Variants in MAL2 observed in about 807,000 individuals in gnomAD.
MAL2 encodes mal, T cell differentiation protein 2.
Under a neutral mutation model 18.1 loss-of-function variants are expected in MAL2, and 17 were observed. That is an observed-to-expected ratio of 0.94 (90% confidence interval 0.64 to 1.41). The LOEUF (loss-of-function observed/expected upper bound fraction) is 1.41, where lower values mean the gene tolerates loss of function less well. MAL2 is among the 40% of genes most tolerant of loss of function. The pLI is 0.00. For missense variants in MAL2, 222 were observed against 231.9 expected (o/e 0.96, Z 0.28); for synonymous variants, 102 against 102.3 (o/e 1.00, Z 0.02).
In MAL2 at chr8:119,243,545, G is replaced by A; in HGVS notation, c.*57G>A. 1 of 1,418,876 alleles carries A rather than the reference G, an allele frequency of 7.0e-7. No individual in the cohort carries two copies. Among genetic ancestry groups the A allele is most frequent in the South Asian group, 1.4e-5 (1 of 72,030 alleles). The allele number at this position is 1,418,876 out of a possible 1,614,324, so 87.9% of individuals were successfully genotyped here. A position where few individuals can be genotyped will look rare whatever the true frequency, so the allele number is the denominator to read the frequency against. On this transcript the variant is annotated 3_prime_UTR_variant, in exon 4 of 4. Coordinates refer to ENST00000614891, the MANE Select transcript of MAL2 (RefSeq NM_052886.3). ...TTTCACTTGTCTACTTTATATGTCT[G>A]ATCAATTTGGATACCATTTTGTCCA...
In MAL2 at chr8:119,212,308, G is replaced by A. The variant is rs796243674; in HGVS notation, c.132+3704G>A. Among the ~76,000 whole-genome samples, 4 of 152,298 alleles carry A rather than the reference G, an allele frequency of 2.6e-5. No homozygotes were observed. The East Asian group carries it at 5.8e-4, about 22-fold the overall frequency. On this transcript the variant is annotated intron_variant, in intron 1 of 3. Transcript: ENST00000614891. The stretch of plus-strand genomic sequence containing the variant: ...CATTGTGTTTTATTTTGCAGTTTTA[G>A]TGTTTAAGAAACTACTTATATTCCC...
intron 1 of MAL2, among the ~76,000 whole-genome samples, chr8:119,211,974 C>G (rs1226428612): frequency 6.6e-6 from 1 of 152,192 alleles, no homozygotes; most frequent in Non-Finnish European, 1.5e-5. Context: ...GTGCAAGGCA[C>G]TCCTCTGGGA....
rs769226681 is a variant in MAL2, at chr8:119,243,485, G to T, written c.528G>T (p.Pro176=). 1.3e-6 allele frequency: 2 copies of T among 1,593,722 alleles called. No individual in the cohort carries two copies. The highest frequency in any genetic ancestry group is 1.7e-5 in the Admixed American group (1 of 57,240). The change falls in exon 4 of 4, where the codon CCG becomes CCT. Residue 176 remains proline, a synonymous_variant. Coordinates refer to ENST00000614891, the MANE Select transcript of MAL2 (RefSeq NM_052886.3). ...GTCTGGCTTTACGAAGATGGCGACC[G>T]TAACACTCCTTAGAAACTGGCAGTC... ...SLGLALRRWR[P]
At chr8:119,243,266 CAAAA>C in intron 3 of MAL2, 147 bp from the exon 4 acceptor site, 4 of 446,318 alleles carry the variant, frequency 9.0e-6, no homozygotes, top group Non-Finnish European at 7.6e-6. Flanking sequence ...TACAAATCAT[CAAAA>C]AAAAAAAAAC....
At chr8:119,213,724 C>T (rs1381683355) in intron 1 of MAL2, among the ~76,000 whole-genome samples, 1 of 152,134 alleles carries the variant, frequency 6.6e-6, no homozygotes, top group East Asian at 1.9e-4. Context: ...GAGGCCGTGG[C>T]AGGAGAATTG....
chr8:119,208,752 C>A lies in MAL2; in HGVS notation c.132+148C>A, dbSNP rs904168596. 1.7e-6 allele frequency: 2 copies of A among 1,162,916 alleles called. No homozygotes were observed. The highest frequency in any genetic ancestry group is 4.4e-5 in the South Asian group (1 of 22,906). 72.0% of individuals were successfully genotyped at this position (1,162,916 alleles called of 1,614,324 possible). On this transcript the variant is annotated intron_variant, in intron 1 of 3. Transcript: ENST00000614891. This position sits in a 1 kb window ranked among gnomAD's most constrained non-coding sequence, Gnocchi z 4.3. ...CCTGCGCTCCCTCCCGGGGTCCTCT[C>A]GGTGCCCCGCGCCGCCGCCCGGGCC...
rs746398569 is a variant in MAL2 at position 119,208,533 on chromosome 8, C to A, written c.61C>A (p.Pro21Thr). ...GAACCCCGCCGTGTCCTTCCCGCCGCCCCGGGTCACCCTGCCCGCCGGCCC... is the reference window on the plus strand; with the variant it reads ...GAACCCCGCCGTGTCCTTCCCGCCGACCCGGGTCACCCTGCCCGCCGGCCC... ...PPNPAVSFPP[P>T]RVTLPAGPDI... Residue 21 changes from proline (P) to threonine (T), a missense_variant, in exon 1 of 4, where the codon CCC (proline) becomes ACC (threonine). Pro to Thr is a conservative substitution (Grantham distance 38). Transcript: ENST00000614891. This position sits in a 1 kb window ranked among gnomAD's most constrained non-coding sequence, Gnocchi z 4.3. 1 of 1,392,302 alleles carries A rather than the reference C, an allele frequency of 7.2e-7. No homozygotes were observed. Among genetic ancestry groups the A allele is most frequent in the Non-Finnish European group, 9.4e-7 (1 of 1,068,744 alleles). 86.2% of individuals were successfully genotyped at this position (1,392,302 alleles called of 1,614,324 possible).
chr8:119,235,691 C>G (rs1485358419), intron 2 of MAL2, among the ~76,000 whole-genome samples: 2 of 151,254 alleles, frequency 1.3e-5, no homozygotes, highest in Non-Finnish European at 2.9e-5. Flanking sequence ...TCCAGCCAAA[C>G]TAAGCTTCCT....
chr8:119,208,553 C>T lies in MAL2; in HGVS notation c.81C>T (p.Ala27=), dbSNP rs1370463440. The change falls in exon 1 of 4, where the codon GCC becomes GCT. Residue 27 remains alanine (A), a synonymous_variant. Transcript: ENST00000614891. This position sits in a 1 kb window ranked among gnomAD's most constrained non-coding sequence, Gnocchi z 4.3. ...CGCCGCCCCGGGTCACCCTGCCCGC[C>T]GGCCCCGACATCCTGCGGACCTACT... The part of the protein sequence containing the change: ...SFPPPRVTLP[A]GPDILRTYSG... 4 of 1,400,760 alleles carry T rather than the reference C, an allele frequency of 2.9e-6. 1 individual carries two copies. The South Asian group carries it at 4.8e-5, about 17-fold the overall frequency. The allele number at this position is 1,400,760 out of a possible 1,614,324, so 86.8% of individuals were successfully genotyped here.
chr8:119,208,580 G>C lies in MAL2; in HGVS notation c.108G>C (p.Ser36=), dbSNP rs771470129. 11 of 1,385,500 alleles carry C rather than the reference G, an allele frequency of 7.9e-6. No homozygotes were observed. Among genetic ancestry groups the C allele is most frequent in the Admixed American group, 5.6e-5 (2 of 35,596 alleles). 85.8% of individuals were successfully genotyped at this position (1,385,500 alleles called of 1,614,324 possible). A position where few individuals can be genotyped will look rare whatever the true frequency, so the allele number is the denominator to read the frequency against. ...PAGPDILRTY[S]GAFVCLEILF... is the part of the protein sequence containing the mutation. ...GCCCCGACATCCTGCGGACCTACTC[G>C]GGCGCCTTCGTCTGCCTGGAGATTG... Residue 36 remains serine (S), a synonymous_variant, in exon 1 of 4, where the codon TCG becomes TCC. Coordinates refer to ENST00000614891, the MANE Select transcript of MAL2 (RefSeq NM_052886.3). The surrounding 1 kb of genome is among the most constrained non-coding windows in gnomAD (Gnocchi z 4.3).
chr8:119,231,307 C>T (rs755504435), intron 2 of MAL2, among the ~76,000 whole-genome samples: 1 of 152,230 alleles, frequency 6.6e-6, no homozygotes, highest in Non-Finnish European at 1.5e-5. Context: ...GCTGGGATTA[C>T]AGGCGTGAGC....
intron 2 of MAL2, among the ~76,000 whole-genome samples, chr8:119,238,995 C>A (rs1166705327): frequency 2.0e-5 from 3 of 151,480 alleles, no homozygotes; most frequent in East Asian, 2.0e-4. Context: ...AGGCAACCTA[C>A]AAAATGGGAG....
rs562284380 is a variant in MAL2 at position 119,234,128 on chromosome 8, G to C, written c.304-6037G>C. ...CACCGTGCGCGAGCCGAAGCAGGGC[G>C]AGGCATTGCCTCACTTGGGAAGCGC... On this transcript the variant is annotated intron_variant, in intron 2 of 3. Transcript: ENST00000614891. Among the ~76,000 whole-genome samples, 34 of 152,330 alleles carry C rather than the reference G, an allele frequency of 2.2e-4. No individual in the cohort carries two copies. In the East Asian group the frequency reaches 5.4e-3, roughly 24 times the overall value.
intron 2 of MAL2, chr8:119,223,920 T>C (rs1156397287): frequency 2.6e-5 from 4 of 152,178 alleles, no homozygotes; most frequent in Non-Finnish European, 5.9e-5. Context: ...ATAATGGAAT[T>C]GTCACAAGTT....
intron 1 of MAL2, among the ~76,000 whole-genome samples, chr8:119,217,497 G>T (rs182227524): frequency 1.1e-3 from 175 of 152,240 alleles, no homozygotes; most frequent in Non-Finnish European, 2.2e-3. Flanking sequence ...GAGGTTTGAC[G>T]TCATAAGCAC....
chr8:119,238,171 G>A (rs1817955359), intron 2 of MAL2, among the ~76,000 whole-genome samples: 2 of 152,166 alleles, frequency 1.3e-5, no homozygotes, highest in Non-Finnish European at 2.9e-5. Context: ...AATCATGAGT[G>A]ACCTCCCATT....
chr8:119,226,481 G>A (rs1817597860), intron 2 of MAL2, among the ~76,000 whole-genome samples: 1 of 118,466 alleles, frequency 8.4e-6, no homozygotes, highest in Non-Finnish European at 1.6e-5. Flanking sequence ...AGACAAGAAT[G>A]TGAGATATAG....
At chr8:119,218,817 C>G (rs772903618) in intron 1 of MAL2, among the ~76,000 whole-genome samples, 2 of 152,138 alleles carry the variant, frequency 1.3e-5, no homozygotes, top group Non-Finnish European at 2.9e-5. Context: ...CTCTGCCTGT[C>G]CCTAACAAAC....
intron 2 of MAL2, among the ~76,000 whole-genome samples, chr8:119,222,326 C>G (rs1393743201): frequency 2.0e-5 from 3 of 151,848 alleles, no homozygotes; most frequent in African/African-American, 7.3e-5. Flanking sequence ...GTCAGGAGTT[C>G]AAGACCAGCC....
Sources: allele counts gnomAD v4.1 joint callset (sites outside exome capture counted in the v4.1 genomes callset), GRCh38; gene constraint gnomAD v4.1.1; non-coding constraint Gnocchi (gnomAD v3.1); transcripts MANE v1.5; gene names NCBI Gene and HGNC (gene_info 2026-07-23, HGNC 2026-07-21).